UNC80: variants seen among roughly 807,000 people sequenced by gnomAD.
UNC80 encodes the protein unc-80 subunit of NALCN channel complex.
A neutral mutation model predicts 384.6 loss-of-function variants in UNC80; 164 were observed. That is an observed-to-expected ratio of 0.43 (90% confidence interval 0.38 to 0.49). The LOEUF is 0.49. Among genes scored for constraint, UNC80 ranks in the 20% least tolerant of loss-of-function variants. The pLI, the probability that UNC80 is intolerant of heterozygous loss-of-function variation, is 0.00. For missense variants in UNC80, 3,330 were observed against 4,143.0 expected (o/e 0.80, Z 5.39); for synonymous variants, 1,486 against 1,527.8 (o/e 0.97, Z 0.64).
chr2:209,923,607 T>C (rs2090207903), intron 35 of UNC80, among the ~76,000 whole-genome samples: 1 of 152,192 alleles, frequency 6.6e-6, no homozygotes, highest in African/African-American at 2.4e-5. Flanking sequence ...AATCTTGATA[T>C]GCAGATATTT....
At chr2:209,969,971 G>A (rs963965518) in intron 53 of UNC80, 80 bp downstream of exon 53, 2 of 1,507,170 alleles carry the variant, frequency 1.3e-6, no homozygotes, top group Admixed American at 2.1e-5. Flanking sequence ...AAGATTTACA[G>A]GTCAACCACT....
At chr2:209,950,530 C>CT (rs2092122024) in intron 47 of UNC80, among the ~76,000 whole-genome samples, 1 of 146,838 alleles carries the variant, frequency 6.8e-6, no homozygotes, top group Non-Finnish European at 1.5e-5. Flanking sequence ...CTTTTCTTTC[C>CT]TTTTTTATCT....
rs1279554965 is a variant in UNC80 at position 209,842,388 on chromosome 2, G to A, written c.3396G>A (p.Gly1132=). The change falls in exon 21 of 65, where the codon GGG becomes GGA. Residue 1132 remains glycine (G), a synonymous_variant. Transcript: ENST00000673920. The part of the protein sequence containing the change: ...FTSAVKLSEG[G]PGSGMENGRD... ...GTGCTGTGAAGCTTTCTGAAGGTGG[G>A]CCAGGAAGTGGCATGGAAAATGGAA... is the stretch of plus-strand genomic sequence containing the variant. The A allele has an allele frequency of 1.3e-6, 2 of 1,550,944 alleles. No homozygotes were observed. The highest frequency in any genetic ancestry group is 1.7e-6 in the Non-Finnish European group (2 of 1,146,724).
intron 59 of UNC80, among the ~76,000 whole-genome samples, chr2:209,979,063 A>G (rs939137623): frequency 6.6e-6 from 1 of 152,192 alleles, no homozygotes; most frequent in Non-Finnish European, 1.5e-5. Flanking sequence ...AGCCTGGCCA[A>G]CATGATGAAA....
intron 26 of UNC80, among the ~76,000 whole-genome samples, chr2:209,890,150 A>G (rs2086197190): frequency 6.6e-6 from 1 of 152,198 alleles, no homozygotes; most frequent in African/African-American, 2.4e-5. Context: ...TCTTCAACTC[A>G]GAGTTTAAAT....
intron 29 of UNC80, 58 bp downstream of exon 29, chr2:209,905,023 T>A: frequency 6.6e-7 from 1 of 1,523,584 alleles, no homozygotes. Context: ...TCATAACAAT[T>A]TCTTCTCTGG....
At position 209,976,454 on chromosome 2, in the gene UNC80, A is replaced by G. The variant is rs2125017089; in HGVS notation, c.8772+151A>G. On this transcript the variant is annotated intron_variant, in intron 57 of 64. Coordinates refer to ENST00000673920, the MANE Select transcript of UNC80 (RefSeq NM_001371986.1). This position sits in a 1 kb window ranked among gnomAD's most constrained non-coding sequence, Gnocchi z 4.3. ...ACCATGCTTGATGAGAAAACCGCCC[A>G]AAAATATATTCCAGAGGATAAAAAT... Among the ~76,000 whole-genome samples, 1 of 152,220 alleles carries G rather than the reference A, an allele frequency of 6.6e-6. No homozygotes were observed. The highest frequency in any genetic ancestry group is 2.1e-4 in the South Asian group (1 of 4,820).
At chr2:209,959,756 T>A (rs1462658794) in intron 51 of UNC80, 49 bp downstream of exon 51, 1 of 1,489,956 alleles carries the variant, frequency 6.7e-7, no homozygotes, top group Admixed American at 2.0e-5. Context: ...GCTTGGCCCA[T>A]GTGTCTGAAT....
chr2:209,868,130 C>G (rs2083991622), intron 22 of UNC80, among the ~76,000 whole-genome samples: 1 of 152,140 alleles, frequency 6.6e-6, no homozygotes, highest in South Asian at 2.1e-4. Context: ...CTCAGTCTGG[C>G]AGAGAATTCA....
chr2:209,839,114 T>C lies in UNC80; in HGVS notation c.3042-108T>C. 9.9e-7 allele frequency: 1 copy of C among 1,010,216 alleles called. No individual in the cohort carries two copies. Among genetic ancestry groups the C allele is most frequent in the Non-Finnish European group, 1.4e-6 (1 of 690,714 alleles). The allele number at this position is 1,010,216 out of a possible 1,614,324, so 62.6% of individuals were successfully genotyped here. A position where few individuals can be genotyped will look rare whatever the true frequency, so the allele number is the denominator to read the frequency against. ...TTCCCACATTTCAGCCCATCAAAGA[T>C]CATTTTGCATGATTTGCCTAAATAT... On this transcript the variant is annotated intron_variant, in intron 18 of 64. Transcript: ENST00000673920. The surrounding 1 kb of genome is among the most constrained non-coding windows in gnomAD (Gnocchi z 4.1).
chr2:209,844,446 TTTTCTTTTCTTTCTTTC>T lies in UNC80; in HGVS notation c.3454+2008_3454+2024del, dbSNP rs1349485999. Among the ~76,000 whole-genome samples the T allele has an allele frequency of 2.1e-3, 278 of 130,886 alleles. 7 individuals carry two copies. Among genetic ancestry groups the T allele is most frequent in the African/African-American group, 9.0e-3 (270 of 30,022 alleles). The allele number at this position is 130,886 out of a possible 152,430, so 85.9% of individuals were successfully genotyped here. On this transcript the variant is annotated intron_variant, in intron 21 of 64. Coordinates refer to ENST00000673920, the MANE Select transcript of UNC80 (RefSeq NM_001371986.1). Reference sequence around the variant, plus strand: ...TCTTTCTCTTTCTCTTTTCTTGCTCTTTTCTTTTCTTTCTTTCTTTCTTTCTTTCTTTCCTTCCTTCC... The same window carrying T: ...TCTTTCTCTTTCTCTTTTCTTGCTCTTTTCTTTCTTTCTTTCCTTCCTTCC...
intron 61 of UNC80, among the ~76,000 whole-genome samples, chr2:209,988,571 C>T (rs987189837): frequency 1.3e-5 from 2 of 151,994 alleles, no homozygotes; most frequent in East Asian, 1.9e-4. Context: ...ATCCTTTATG[C>T]ACTATATGCC....
chr2:209,950,965 G>A (rs556942067), intron 47 of UNC80, among the ~76,000 whole-genome samples: 1 of 152,148 alleles, frequency 6.6e-6, no homozygotes, highest in African/African-American at 2.4e-5. Context: ...ATGATTTCAG[G>A]AGTTTGAGAC....
chr2:209,869,497 T>G (rs775694611), intron 22 of UNC80, among the ~76,000 whole-genome samples: 1 of 152,142 alleles, frequency 6.6e-6, no homozygotes, highest in Admixed American at 6.6e-5. Context: ...ATTTGTACCT[T>G]AGCATCACCC....
chr2:209,833,855 C>G, intron 16 of UNC80, 147 bp from the exon 17 acceptor site: 1 of 687,502 alleles, frequency 1.5e-6, no homozygotes, highest in Non-Finnish European at 2.4e-6. Context: ...AGTATACCAC[C>G]AGTTTCATCA....
rs2077407448 is a variant in UNC80, at chr2:209,786,051, T to G, written c.601-15T>G. 1 of 1,612,020 alleles carries G rather than the reference T, an allele frequency of 6.2e-7. No homozygotes were observed. Among genetic ancestry groups the G allele is most frequent in the African/African-American group, 1.3e-5 (1 of 74,886 alleles). ...CATGTCAGTTATTGGACATATATCTTCTCCTCCCCCCTAGGAATCTGACCT... is the reference window on the plus strand; with the variant it reads ...CATGTCAGTTATTGGACATATATCTGCTCCTCCCCCCTAGGAATCTGACCT... On this transcript the variant is annotated splice_polypyrimidine_tract_variant and intron_variant, in intron 4 of 64. Coordinates refer to ENST00000673920, the MANE Select transcript of UNC80 (RefSeq NM_001371986.1).
chr2:209,779,025 TG>T (rs1369269830), intron 4 of UNC80, among the ~76,000 whole-genome samples: 2 of 152,202 alleles, frequency 1.3e-5, no homozygotes, highest in African/African-American at 4.8e-5. Context: ...ACACATACAC[TG>T]GCCACATTGC....
intron 23 of UNC80, among the ~76,000 whole-genome samples, chr2:209,874,268 A>G (rs1184441282): frequency 6.6e-6 from 1 of 152,216 alleles, no homozygotes; most frequent in Non-Finnish European, 1.5e-5. Context: ...TAGAGGCACC[A>G]GTAATCTCTT....
chr2:209,849,667 G>A (rs537763826), intron 22 of UNC80, 44 bp downstream of exon 22: 4 of 1,536,240 alleles, frequency 2.6e-6, no homozygotes, highest in African/African-American at 1.4e-5. Context: ...CCCATCCCAA[G>A]TAGCACTATT....
Sources: gnomAD v4.1 joint callset for allele counts (sites outside exome capture counted in the v4.1 genomes callset) on GRCh38, gnomAD v4.1.1 for gene constraint, Gnocchi (gnomAD v3.1) non-coding constraint, MANE v1.5 for transcripts, NCBI Gene and HGNC (gene_info 2026-07-23, HGNC 2026-07-21) for gene names.